Variants in PPME1 observed in about 807,000 individuals in gnomAD.
PPME1 encodes the protein testicular secretory protein Li 39.
In PPME1, 17 loss-of-function variants were observed where a neutral mutation model predicts 56.9. That is an observed-to-expected ratio of 0.30 (90% CI 0.20 to 0.45). The LOEUF (loss-of-function observed/expected upper bound fraction) is 0.45. Ranked by LOEUF, PPME1 falls within the 20% of genes least tolerant of loss-of-function variation. The probability of loss-of-function intolerance (pLI) is 1.00; values close to 1 mark genes in which losing one functional copy is unlikely to be tolerated. For synonymous variants in PPME1, 122 were observed against 156.2 expected (o/e 0.78, Z 1.63); for missense variants, 357 against 483.2 (o/e 0.74, Z 2.45).
chr11:74,190,260 G>A (rs1387351044), intron 1 of PPME1, among the ~76,000 whole-genome samples: 1 of 152,158 alleles, frequency 6.6e-6, no homozygotes, highest in Non-Finnish European at 1.5e-5. Context: ...ACCAATGCTG[G>A]AGGTAGGGCC....
At chr11:74,191,648 C>T (rs1857842143) in intron 1 of PPME1, among the ~76,000 whole-genome samples, 1 of 152,238 alleles carries the variant, frequency 6.6e-6, no homozygotes, top group Admixed American at 6.5e-5. Flanking sequence ...CAGGACTCTG[C>T]ACCTTGTATC....
chr11:74,221,075 A>C (rs146930495), intron 3 of PPME1, among the ~76,000 whole-genome samples: 2 of 152,288 alleles, frequency 1.3e-5, no homozygotes, highest in Admixed American at 1.3e-4. Flanking sequence ...AATAAATGAA[A>C]ATTTTGTTTT....
chr11:74,232,506 C>G (rs923869770), intron 7 of PPME1, among the ~76,000 whole-genome samples: 2 of 152,180 alleles, frequency 1.3e-5, no homozygotes, highest in Non-Finnish European at 2.9e-5. Flanking sequence ...GATTCCTGTT[C>G]TCACAGAAAT....
chr11:74,224,564 TC>T, intron 4 of PPME1, among the ~76,000 whole-genome samples: 1 of 135,912 alleles, frequency 7.4e-6, no homozygotes, highest in African/African-American at 3.3e-5. Flanking sequence ...TATTGATTCT[TC>T]CTACCCATGG....
At chr11:74,232,860 A>ATTTT (rs35057762) in intron 7 of PPME1, among the ~76,000 whole-genome samples, 258 of 93,780 alleles carry the variant, frequency 2.8e-3, no homozygotes, top group African/African-American at 6.9e-3. Context: ...TTGTTATTTG[A>ATTTT]TTTTTTTTTT....
chr11:74,240,686 C>T (rs923386818), intron 9 of PPME1, among the ~76,000 whole-genome samples: 1 of 152,180 alleles, frequency 6.6e-6, no homozygotes, highest in African/African-American at 2.4e-5. Flanking sequence ...GTTTAAATAA[C>T]GCATGGTCTG....
chr11:74,228,564 A>AGT (rs1858988221), intron 5 of PPME1, among the ~76,000 whole-genome samples: 1 of 152,240 alleles, frequency 6.6e-6, no homozygotes, highest in South Asian at 2.1e-4. Flanking sequence ...GTAGTGGAAC[A>AGT]CTAGCATAAA....
At chr11:74,199,269 G>T (rs888102884) in intron 1 of PPME1, among the ~76,000 whole-genome samples, 1 of 151,980 alleles carries the variant, frequency 6.6e-6, no homozygotes, top group Non-Finnish European at 1.5e-5. Flanking sequence ...AACATTCACT[G>T]CACTTCAGCT....
chr11:74,246,229 A>G, intron 10 of PPME1, 24 bp downstream of exon 10: 2 of 1,534,540 alleles, frequency 1.3e-6, no homozygotes, highest in Non-Finnish European at 1.8e-6. Context: ...TGCATATATT[A>G]GTCAGCTCAG....
intron 3 of PPME1, among the ~76,000 whole-genome samples, 180 bp from the exon 4 acceptor site, chr11:74,222,132 A>G (rs1858815749): frequency 6.6e-6 from 1 of 152,184 alleles, no homozygotes; most frequent in South Asian, 2.1e-4. Context: ...CAGAACCACA[A>G]TATATGGCAA....
At chr11:74,173,610 C>T (rs1857338245) in intron 1 of PPME1, among the ~76,000 whole-genome samples, 1 of 152,132 alleles carries the variant, frequency 6.6e-6, no homozygotes, top group Non-Finnish European at 1.5e-5. Flanking sequence ...GGCACAATCT[C>T]GGCTCACTGC....
intron 1 of PPME1, among the ~76,000 whole-genome samples, chr11:74,189,063 T>C (rs1857766165): frequency 6.6e-6 from 1 of 152,176 alleles, no homozygotes; most frequent in Non-Finnish European, 1.5e-5. Flanking sequence ...CTTCAAAATA[T>C]GTAAACATAC....
chr11:74,240,449 T>TTTA (rs1243045235), intron 9 of PPME1, among the ~76,000 whole-genome samples: 1 of 152,182 alleles, frequency 6.6e-6, no homozygotes, highest in Non-Finnish European at 1.5e-5. Context: ...TTCTTGAAAA[T>TTTA]GTTTAGTGCT....
chr11:74,223,048 C>T (rs1858840069), intron 4 of PPME1, among the ~76,000 whole-genome samples: 1 of 151,750 alleles, frequency 6.6e-6, no homozygotes, highest in Non-Finnish European at 1.5e-5. Context: ...CCCACCAACT[C>T]GTCATCTAGC....
chr11:74,201,406 G>A (rs1371548831), intron 1 of PPME1, among the ~76,000 whole-genome samples: 1 of 152,084 alleles, frequency 6.6e-6, no homozygotes, highest in Non-Finnish European at 1.5e-5. Context: ...AGGTTCTTTG[G>A]CATTGGCAGA....
intron 3 of PPME1, among the ~76,000 whole-genome samples, chr11:74,210,531 TG>T (rs1858443922): frequency 6.6e-6 from 1 of 152,050 alleles, no homozygotes; most frequent in African/African-American, 2.4e-5. Flanking sequence ...GTCATGGGAG[TG>T]GATCCTTCAT....
intron 1 of PPME1, among the ~76,000 whole-genome samples, chr11:74,198,507 G>A (rs545908213): frequency 6.6e-6 from 1 of 152,216 alleles, no homozygotes; most frequent in South Asian, 2.1e-4. Context: ...TGTCCCCCAG[G>A]CTGGAATGCA....
chr11:74,248,479 C>G (rs1859564557), intron 11 of PPME1: 1 of 152,180 alleles, frequency 6.6e-6, no homozygotes. Flanking sequence ...TATATTCTCT[C>G]ATAATAGTTG....
rs2135661305 is a variant in PPME1 at position 74,230,136 on chromosome 11, T to C, written c.399-109T>C. The C allele has an allele frequency of 2.4e-6, 3 of 1,245,610 alleles. No homozygotes were observed. The South Asian group carries it at 4.5e-5, about 19-fold the overall frequency. The allele number at this position is 1,245,610 out of a possible 1,614,324, so 77.2% of individuals were successfully genotyped here. ...GTTTGTAAGATGGCCCAATAGACTT[T>C]TACAGTTTCCCAGCACTGTTACACA... On this transcript the variant is annotated intron_variant, in intron 5 of 13. Coordinates refer to ENST00000328257, the MANE Select transcript of PPME1 (RefSeq NM_016147.3). The surrounding 1 kb of genome is among the most constrained non-coding windows in gnomAD (Gnocchi z 4.9).
Sources: allele counts gnomAD v4.1 joint callset (sites outside exome capture counted in the v4.1 genomes callset), GRCh38; gene constraint gnomAD v4.1.1; non-coding constraint Gnocchi (gnomAD v3.1); transcripts MANE v1.5; gene names NCBI Gene and HGNC (gene_info 2026-07-23, HGNC 2026-07-21).